The following CPXM2 variants were observed in gnomAD, a reference collection of about 807,000 sequenced individuals.
CPXM2 encodes carboxypeptidase X, M14 family member 2, also known as inactive carboxypeptidase-like protein X2.
A neutral mutation model predicts 86.1 loss-of-function variants in CPXM2; 66 were observed. That is an observed-to-expected ratio of 0.77 (90% CI 0.63 to 0.94). The LOEUF is 0.94. Ranked by LOEUF, CPXM2 falls within the 40% of genes least tolerant of loss-of-function variation. CPXM2 has a pLI of 0.00. For synonymous variants in CPXM2, 388 were observed against 400.2 expected (o/e 0.97, Z 0.36); for missense variants, 948 against 1,026.3 (o/e 0.92, Z 1.04).
intron 2 of CPXM2, among the ~76,000 whole-genome samples, chr10:123,936,670 C>T (rs991448051): frequency 2.6e-5 from 4 of 152,150 alleles, no homozygotes; most frequent in African/African-American, 9.7e-5. Flanking sequence ...TCTCAAGATT[C>T]CTTCACAATA....
At chr10:123,849,074 T>C (rs7920094) in intron 3 of CPXM2, among the ~76,000 whole-genome samples, 40,279 of 152,130 alleles carry the variant, frequency 0.26, 5,627 homozygotes, top group Middle Eastern at 0.42. Context: ...GTTAGGTCCA[T>C]TTAGCCCATT....
At chr10:123,778,836 G>C (rs1392234299) in intron 7 of CPXM2, among the ~76,000 whole-genome samples, 1 of 152,172 alleles carries the variant, frequency 6.6e-6, no homozygotes, top group East Asian at 1.9e-4. Context: ...AGAGCAGCAG[G>C]GATGATTCAC....
intron 4 of CPXM2, among the ~76,000 whole-genome samples, chr10:123,838,441 G>A (rs938425749): frequency 5.3e-5 from 8 of 152,136 alleles, no homozygotes; most frequent in African/African-American, 1.7e-4. Flanking sequence ...GTGACAGAGC[G>A]AGACTCCATC....
At chr10:123,862,162 C>T (rs753289372) in intron 3 of CPXM2, among the ~76,000 whole-genome samples, 14 of 152,122 alleles carry the variant, frequency 9.2e-5, no homozygotes, top group Non-Finnish European at 1.5e-4. Context: ...GGGCTTGACC[C>T]GGGGGAACAC....
intron 2 of CPXM2, among the ~76,000 whole-genome samples, chr10:123,923,551 A>G (rs1339515914): frequency 3.3e-5 from 5 of 151,688 alleles, no homozygotes; most frequent in Non-Finnish European, 7.4e-5. Context: ...ACTGCACTCC[A>G]GCCTGGGCGA....
intron 2 of CPXM2, among the ~76,000 whole-genome samples, chr10:123,912,019 G>A (rs932882583): frequency 6.6e-6 from 1 of 152,100 alleles, no homozygotes; most frequent in Non-Finnish European, 1.5e-5. Context: ...AAACTTGGAA[G>A]AGGACCAAGC....
At chr10:123,750,204 C>T in intron 13 of CPXM2, 1 of 985,384 alleles carries the variant, frequency 1.0e-6, no homozygotes, top group Non-Finnish European at 1.2e-6. Flanking sequence ...GATAAGCCCT[C>T]TAATTTTTGA....
In CPXM2 at chr10:123,881,231, CTCTT is replaced by C. The variant is rs1564811050; in HGVS notation, c.305-926_305-923del. On this transcript the variant is annotated intron_variant, in intron 1 of 13. Transcript: ENST00000241305. The stretch of plus-strand genomic sequence containing the variant: ...TTGTTCCTTCTCCTGGAGCACCCTT[CTCTT>C]CCCTTCCCTTCCCTTCCCTTCCCTT... Among the ~76,000 whole-genome samples, 50 of 93,866 alleles carry C rather than the reference CTCTT, an allele frequency of 5.3e-4. 9 individuals carry two copies. The highest frequency in any genetic ancestry group is 6.9e-4 in the Non-Finnish European group (30 of 43,742). The allele number at this position is 93,866 out of a possible 152,430, so 61.6% of individuals were successfully genotyped here.
intron 2 of CPXM2, among the ~76,000 whole-genome samples, chr10:123,901,989 C>T (rs1036018598): frequency 3.3e-5 from 5 of 152,188 alleles, no homozygotes; most frequent in Non-Finnish European, 7.3e-5. Context: ...AACTGTTTTC[C>T]AGAGAACTTT....
intron 4 of CPXM2, among the ~76,000 whole-genome samples, chr10:123,842,025 C>A (rs535291677): frequency 5.1e-4 from 78 of 152,330 alleles, no homozygotes; most frequent in African/African-American, 1.8e-3. Flanking sequence ...TGTGCCCTGG[C>A]CACCAGTCAA....
intron 5 of CPXM2, among the ~76,000 whole-genome samples, 156 bp downstream of exon 5, chr10:123,798,959 G>C (rs571990081): frequency 1.3e-5 from 2 of 152,334 alleles, no homozygotes; most frequent in East Asian, 3.9e-4. Context: ...TGGGCTTCAG[G>C]GCAGGGAAAG....
intron 2 of CPXM2, among the ~76,000 whole-genome samples, chr10:123,873,090 G>A (rs1944919375): frequency 6.6e-6 from 1 of 151,874 alleles, no homozygotes; most frequent in Admixed American, 6.6e-5. Context: ...AATAAATAAA[G>A]GTATAAGAAT....
Position 123,757,242 on chromosome 10 carries a change from G to A in CPXM2, c.1888C>T (p.Arg630Trp), listed in dbSNP as rs368753397. ...TCCATGAACACGATCAGAGATTCCC[G>A]GTTATTCTCCCACTCCTCGGGCAGC... Reference protein sequence around the residue: ...SQLPEEWENNRESLIVFMEQV... With the variant: ...SQLPEEWENNWESLIVFMEQV... The change falls in exon 12 of 14, where the codon CGG (arginine) becomes TGG (tryptophan). Residue 630 changes from arginine (R) to tryptophan (W), a missense_variant. Arg to Trp is a moderately radical substitution (Grantham distance 101). Transcript: ENST00000241305. 106 of 1,613,908 alleles carry A rather than the reference G, an allele frequency of 6.6e-5. No homozygotes were observed. In the South Asian group the frequency reaches 6.7e-4, roughly 10 times the overall value.
At chr10:123,916,762 G>T (rs1344021886) in intron 2 of CPXM2, among the ~76,000 whole-genome samples, 2 of 148,676 alleles carry the variant, frequency 1.3e-5, no homozygotes, top group East Asian at 3.9e-4. Context: ...TCTGCCATTT[G>T]ATTCTCTCTC....
intron 4 of CPXM2, 47 bp from the exon 5 acceptor site, chr10:123,799,246 T>C: frequency 6.2e-7 from 1 of 1,608,680 alleles, no homozygotes; most frequent in Non-Finnish European, 8.5e-7. Flanking sequence ...TTAAAATGTT[T>C]GTTCTTCCAT....
At chr10:123,849,477 G>A (rs1590063926) in intron 3 of CPXM2, among the ~76,000 whole-genome samples, 1 of 75,996 alleles carries the variant, frequency 1.3e-5, no homozygotes, top group South Asian at 4.3e-4. Flanking sequence ...TTTCGCTCTT[G>A]TTGCCCAGGC....
At chr10:123,775,528 A>G (rs1846764784) in intron 7 of CPXM2, among the ~76,000 whole-genome samples, 1 of 152,200 alleles carries the variant, frequency 6.6e-6, no homozygotes, top group South Asian at 2.1e-4. Context: ...GGAAGAAGAA[A>G]AACATCACCT....
At position 123,891,597 on chromosome 10, in the gene CPXM2, G is replaced by A. The variant is rs1454992789; in HGVS notation, c.63C>T (p.Ala21=). The A allele has an allele frequency of 6.6e-6, 10 of 1,525,808 alleles. No individual in the cohort carries two copies. The highest frequency in any genetic ancestry group is 4.9e-5 in the South Asian group (4 of 80,836). 94.5% of individuals were successfully genotyped at this position (1,525,808 alleles called of 1,614,324 possible). The change falls in exon 1 of 14, where the codon GCC becomes GCT. Residue 21 remains alanine, a synonymous_variant. Transcript: ENST00000241305. This position sits in a 1 kb window ranked among gnomAD's most constrained non-coding sequence, Gnocchi z 5.6. ...GGGCTGCGCCCTGGGCTCCGACCCCGGCCAGGGTCACTGCCAGGAGCACCA... is the reference window on the plus strand; with the variant it reads ...GGGCTGCGCCCTGGGCTCCGACCCCAGCCAGGGTCACTGCCAGGAGCACCA... The part of the protein sequence containing the change: ...LALVLLAVTL[A]GVGAQGAALE...
chr10:123,855,541 C>T (rs1848703137), intron 3 of CPXM2, among the ~76,000 whole-genome samples: 1 of 152,118 alleles, frequency 6.6e-6, no homozygotes, highest in South Asian at 2.1e-4. Flanking sequence ...TGTGGGTGGC[C>T]TCCACCTTTG....
Sources: gnomAD v4.1 joint callset for allele counts (sites outside exome capture counted in the v4.1 genomes callset) on GRCh38, gnomAD v4.1.1 for gene constraint, Gnocchi (gnomAD v3.1) non-coding constraint, MANE v1.5 for transcripts, NCBI Gene and HGNC (gene_info 2026-07-23, HGNC 2026-07-21) for gene names.